The following FAAH2 variants were observed in gnomAD, a reference collection of about 807,000 sequenced individuals.
FAAH2 encodes the protein fatty-acid amide hydrolase 2.
Under a neutral mutation model 36.9 loss-of-function variants are expected in FAAH2, and 60 were observed. The observed-to-expected ratio is 1.63, with a 90% CI of 1.32 to 2.02. FAAH2 has a LOEUF of 2.02. FAAH2 is among the 30% of genes most tolerant of loss of function. The pLI is 0.00. For missense variants in FAAH2, 689 were observed against 397.5 expected (o/e 1.73, Z -6.23); for synonymous variants, 214 against 143.8 (o/e 1.49, Z -3.49).
At chrX:57,385,065 G>GGGAATTGTACGA (rs2054978631) in intron 7 of FAAH2, among the ~76,000 whole-genome samples, 1 of 109,376 alleles carries the variant, frequency 9.1e-6, no homozygotes, top group Admixed American at 9.9e-5. Flanking sequence ...TCACTCATAG[G>GGGAATTGTACGA]TGGGAATTGT....
the FAAH2 span, among the ~76,000 whole-genome samples, chrX:57,169,705 G>A: frequency 2.0e-5 from 2 of 101,242 alleles, no homozygotes; most frequent in African/African-American, 3.5e-5. Context: ...TCCCAGAAGA[G>A]GAAGGGATTT....
intron 7 of FAAH2, chrX:57,393,624 T>A: frequency 3.3e-6 from 3 of 913,692 alleles, no homozygotes; most frequent in African/African-American, 1.9e-5. Context: ...AATGCACCAC[T>A]CACCCCCAGA....
intron 7 of FAAH2, among the ~76,000 whole-genome samples, chrX:57,414,880 C>T (rs1255313383): frequency 1.2e-5 from 1 of 85,806 alleles, no homozygotes; most frequent in Non-Finnish European, 2.2e-5. Context: ...GGTTGGTAGG[C>T]TATTAATTAC....
chrX:57,324,778 A>G lies in FAAH2; in HGVS notation c.413-6820A>G, dbSNP rs2053158240. Reference sequence around the variant, plus strand: ...GGTTTTCTAAATATACAATCATGTGATCTGCAAACAGGGACAATTTGACTT... The same window carrying G: ...GGTTTTCTAAATATACAATCATGTGGTCTGCAAACAGGGACAATTTGACTT... On this transcript the variant is annotated intron_variant, in intron 3 of 10. Transcript: ENST00000374900. Among the ~76,000 whole-genome samples, 3 of 112,175 alleles carry G rather than the reference A, an allele frequency of 2.7e-5. No homozygotes were observed. The Admixed American group carries it at 2.8e-4, about 11-fold the overall frequency.
At chrX:57,409,462 C>T (rs934895416) in intron 7 of FAAH2, among the ~76,000 whole-genome samples, 1 of 110,986 alleles carries the variant, frequency 9.0e-6, no homozygotes, top group Admixed American at 9.6e-5. Context: ...GTTTGAAGAT[C>T]GTCATTAATT....
rs757228793 is a variant in FAAH2, at chrX:57,340,118, C to A, written c.623-1153C>A. ...AATCTGTGGCCAAAGGCCCAAGAGC[C>A]CCCGGCAAACCACTTGTGTGAGTCC... On this transcript the variant is annotated intron_variant, in intron 4 of 10. Coordinates refer to ENST00000374900, the MANE Select transcript of FAAH2 (RefSeq NM_174912.4). Among the ~76,000 whole-genome samples, 6 of 111,812 alleles carry A rather than the reference C, an allele frequency of 5.4e-5. No individual in the cohort carries two copies. The South Asian group carries it at 1.9e-3, about 35-fold the overall frequency.
intron 8 of FAAH2, among the ~76,000 whole-genome samples, chrX:57,440,163 TG>T (rs1177480285): frequency 9.0e-6 from 1 of 111,614 alleles, no homozygotes; most frequent in African/African-American, 3.3e-5. Context: ...TTAATGGGGA[TG>T]GCATTGAATC....
chrX:57,422,032 G>A (rs892711901), intron 7 of FAAH2, among the ~76,000 whole-genome samples: 4 of 111,288 alleles, frequency 3.6e-5, no homozygotes, highest in Admixed American at 9.5e-5. Flanking sequence ...TGCTTGCTTT[G>A]TTAGCTGAAA....
chrX:57,193,089 C>A, the FAAH2 span, among the ~76,000 whole-genome samples: 30 of 112,224 alleles, frequency 2.7e-4, no homozygotes, highest in African/African-American at 9.7e-4. Context: ...CTGGGTGGAA[C>A]ACAGCCATAT....
the FAAH2 span, among the ~76,000 whole-genome samples, chrX:57,259,454 A>G: frequency 8.9e-6 from 1 of 112,074 alleles, no homozygotes; most frequent in Non-Finnish European, 1.9e-5. Context: ...ACCTTACAAG[A>G]GAAGGAAACT....
In FAAH2 at chrX:57,393,513, C is replaced by T. The variant is rs1007746287; in HGVS notation, c.996+12484C>T. 11 of 968,184 alleles carry T rather than the reference C, an allele frequency of 1.1e-5. No homozygotes were observed. In the African/African-American group the frequency reaches 1.2e-4, roughly 10 times the overall value. The allele number at this position is 968,184 out of a possible 1,213,427, so 79.8% of individuals were successfully genotyped here. A position where few individuals can be genotyped will look rare whatever the true frequency, so the allele number is the denominator to read the frequency against. On this transcript the variant is annotated intron_variant, in intron 7 of 10. Coordinates refer to ENST00000374900, the MANE Select transcript of FAAH2 (RefSeq NM_174912.4). ...CGGTCTGCAATGATAGAGGAATTGC[C>T]GTGTGCGATGATGGCAAATGGGCCT...
rs762789518 is a variant in FAAH2 at position 57,393,429 on chromosome X, C to T, written c.996+12400C>T. ...AGAAACTTTTCTATTCCAATGTCTGCTCCAAATCCCGCCTCCGTCACTACA... is the reference window on the plus strand; with the variant it reads ...AGAAACTTTTCTATTCCAATGTCTGTTCCAAATCCCGCCTCCGTCACTACA... On this transcript the variant is annotated intron_variant, in intron 7 of 10. Coordinates refer to ENST00000374900, the MANE Select transcript of FAAH2 (RefSeq NM_174912.4). The T allele has an allele frequency of 2.1e-5, 17 of 800,606 alleles. No homozygotes were observed. In the East Asian group the frequency reaches 4.4e-4, roughly 21 times the overall value. The allele number at this position is 800,606 out of a possible 1,213,427, so 66.0% of individuals were successfully genotyped here.
chrX:57,210,227 C>A, the FAAH2 span, among the ~76,000 whole-genome samples: 2 of 111,242 alleles, frequency 1.8e-5, no homozygotes, highest in Admixed American at 9.6e-5. Context: ...TCTGTGTAGA[C>A]TTCTAGTCTG....
rs1011409495 is a variant in FAAH2, at chrX:57,381,556, C to T, written c.996+527C>T. The T allele has an allele frequency of 2.8e-5, 19 of 687,804 alleles. No individual in the cohort carries two copies. In the African/African-American group the frequency reaches 4.0e-4, roughly 15 times the overall value. The allele number at this position is 687,804 out of a possible 1,213,427, so 56.7% of individuals were successfully genotyped here. A position where few individuals can be genotyped will look rare whatever the true frequency, so the allele number is the denominator to read the frequency against. ...AATGTAATAATAATACAGCTTATTA[C>T]GTGGAAGCAATGGAAGACAAAGAAG... On this transcript the variant is annotated intron_variant, in intron 7 of 10. Transcript: ENST00000374900.
chrX:57,406,638 A>G (rs1362124505), intron 7 of FAAH2, among the ~76,000 whole-genome samples: 1 of 112,604 alleles, frequency 8.9e-6, no homozygotes, highest in African/African-American at 3.2e-5. Context: ...CTAGTCCACA[A>G]TGTGACTGAG....
intron 7 of FAAH2, among the ~76,000 whole-genome samples, chrX:57,399,275 G>C (rs1229433614): frequency 8.9e-6 from 1 of 111,832 alleles, no homozygotes; most frequent in African/African-American, 3.3e-5. Context: ...CTATCTGCTT[G>C]ATAGTTTTGA....
chrX:57,307,980 C>T (rs1045633602), intron 2 of FAAH2, among the ~76,000 whole-genome samples: 4 of 110,669 alleles, frequency 3.6e-5, no homozygotes, highest in Non-Finnish European at 7.6e-5. Flanking sequence ...TGATTTCATT[C>T]TTTCTGTGGC....
chrX:57,480,398 G>A lies in FAAH2; in HGVS notation c.1424-8359G>A, dbSNP rs1215674636. 2.7e-5 allele frequency among the ~76,000 whole-genome samples: 3 copies of A among 111,724 alleles called. 1 individual carries two copies. The highest frequency in any genetic ancestry group is 7.4e-4 in the South Asian group (2 of 2,686). On this transcript the variant is annotated intron_variant, in intron 10 of 10. Coordinates refer to ENST00000374900, the MANE Select transcript of FAAH2 (RefSeq NM_174912.4). ...GGCAAACCGAATCCAGCAGCACGTC[G>A]AAAACCTTCAGGTGCTCTTTTAAGG... is the stretch of plus-strand genomic sequence containing the variant.
intron 5 of FAAH2, among the ~76,000 whole-genome samples, chrX:57,367,404 G>A (rs918909270): frequency 8.9e-6 from 1 of 112,203 alleles, no homozygotes; most frequent in African/African-American, 3.2e-5. Context: ...GCTAGTCATT[G>A]TATTCTTTAC....
Sources: gnomAD v4.1 joint callset for allele counts (sites outside exome capture counted in the v4.1 genomes callset) on GRCh38, gnomAD v4.1.1 for gene constraint, MANE v1.5 for transcripts, NCBI Gene and HGNC (gene_info 2026-07-23, HGNC 2026-07-21) for gene names.